LRPPRC: variants seen among roughly 807,000 people sequenced by gnomAD.
LRPPRC encodes the protein leucine-rich PPR motif-containing protein, mitochondrial.
A neutral mutation model predicts 180.3 loss-of-function variants in LRPPRC; 120 were observed. The observed-to-expected ratio is 0.67, with a 90% confidence interval of 0.57 to 0.77. LRPPRC has a LOEUF of 0.77. Among genes scored for constraint, LRPPRC ranks in the 30% least tolerant of loss-of-function variants. LRPPRC has a pLI of 0.00. For synonymous variants in LRPPRC, 723 were observed against 600.0 expected (o/e 1.21, Z -3.00); for missense variants, 2,012 against 1,657.2 (o/e 1.21, Z -3.72).
Position 43,913,363 on chromosome 2 carries a change from C to G in LRPPRC, c.3149-805G>C, listed in dbSNP as rs552652109. Among the ~76,000 whole-genome samples, 93 of 152,218 alleles carry G rather than the reference C, an allele frequency of 6.1e-4. 1 individual carries two copies. Among genetic ancestry groups the G allele is most frequent in the African/African-American group, 2.1e-3 (88 of 41,548 alleles). On this transcript the variant is annotated intron_variant, in intron 29 of 37. Transcript: ENST00000260665. ...TAAACAAATCACAATAAAGATGGGG[C>G]ATAAATGAACTATCACGTACGGCCT...
intron 11 of LRPPRC, among the ~76,000 whole-genome samples, chr2:43,968,159 A>T (rs1673641506): frequency 6.6e-6 from 1 of 152,096 alleles, no homozygotes; most frequent in African/African-American, 2.4e-5. Flanking sequence ...CTGGTACTTA[A>T]TAGCAATGTA....
intron 1 of LRPPRC, among the ~76,000 whole-genome samples, chr2:43,994,968 C>T (rs1674958413): frequency 6.6e-6 from 1 of 152,198 alleles, no homozygotes. Context: ...AGGACGGGAG[C>T]GGTGGCTCAC....
chr2:43,945,793 CAA>C (rs1214769700), intron 21 of LRPPRC, among the ~76,000 whole-genome samples: 1 of 151,980 alleles, frequency 6.6e-6, no homozygotes, highest in African/African-American at 2.4e-5. Flanking sequence ...ATTTACACTA[CAA>C]TATTGAAAGG....
chr2:43,980,570 AGAAG>A (rs754787910), intron 2 of LRPPRC, among the ~76,000 whole-genome samples: 1 of 87,142 alleles, frequency 1.1e-5, no homozygotes. Flanking sequence ...AAAAAAAAAA[AGAAG>A]AAAGAAAGAA....
intron 25 of LRPPRC, among the ~76,000 whole-genome samples, chr2:43,926,565 C>T (rs767097132): frequency 6.6e-6 from 1 of 152,034 alleles, no homozygotes; most frequent in Non-Finnish European, 1.5e-5. Context: ...ACGGGTTGCA[C>T]CATGTTGGCC....
At chr2:43,900,735 C>T (rs1296374498) in intron 32 of LRPPRC, among the ~76,000 whole-genome samples, 5 of 152,032 alleles carry the variant, frequency 3.3e-5, no homozygotes, top group African/African-American at 9.7e-5. Flanking sequence ...TAAAAGCATA[C>T]TGAAAGTATC....
chr2:43,950,906 C>T (rs1159141761), intron 14 of LRPPRC, among the ~76,000 whole-genome samples: 1 of 152,156 alleles, frequency 6.6e-6, no homozygotes, highest in Non-Finnish European at 1.5e-5. Context: ...CCCGTCTCCA[C>T]TAGAAGTAGA....
At chr2:43,895,629 G>A (rs962191397) in intron 35 of LRPPRC, among the ~76,000 whole-genome samples, 12 of 152,290 alleles carry the variant, frequency 7.9e-5, no homozygotes, top group African/African-American at 2.9e-4. Flanking sequence ...ATAAATACAT[G>A]AGTCACAGAT....
intron 1 of LRPPRC, among the ~76,000 whole-genome samples, chr2:43,983,722 A>C (rs768870111): frequency 2.0e-5 from 3 of 152,170 alleles, no homozygotes; most frequent in African/African-American, 4.8e-5. Flanking sequence ...AATAAAACTT[A>C]CATTTCTATC....
chr2:43,908,377 A>G (rs1039572480), intron 30 of LRPPRC, among the ~76,000 whole-genome samples: 3 of 152,256 alleles, frequency 2.0e-5, no homozygotes, highest in Non-Finnish European at 4.4e-5. Flanking sequence ...TTTAAAAGTT[A>G]CTATTACTTT....
chr2:43,989,208 G>A (rs1372817176), intron 1 of LRPPRC, among the ~76,000 whole-genome samples: 1 of 152,166 alleles, frequency 6.6e-6, no homozygotes, highest in Non-Finnish European at 1.5e-5. Context: ...CTCCCTCTAA[G>A]AACTGAATTC....
At position 43,889,686 on chromosome 2, in the gene LRPPRC, A is replaced by C. The variant is rs780465503; in HGVS notation, c.4128+48T>G. ...TTTCTTACACATTGTTATGAAGTGC[A>C]CATAAATCTGCAGAGGTATTTTTTC... On this transcript the variant is annotated intron_variant, in intron 37 of 37. Transcript: ENST00000260665. The C allele has an allele frequency of 2.9e-6, 4 of 1,380,288 alleles. No homozygotes were observed. In the African/African-American group the frequency reaches 4.3e-5, roughly 15 times the overall value. The allele number at this position is 1,380,288 out of a possible 1,614,324, so 85.5% of individuals were successfully genotyped here.
chr2:43,958,266 C>A (rs1305837479), intron 13 of LRPPRC, among the ~76,000 whole-genome samples: 1 of 152,104 alleles, frequency 6.6e-6, no homozygotes, highest in East Asian at 1.9e-4. Flanking sequence ...TTAATCTTTT[C>A]ACTATAAATG....
chr2:43,949,815 G>A (rs914641092), intron 15 of LRPPRC, among the ~76,000 whole-genome samples, 156 bp from the exon 16 acceptor site: 4 of 152,100 alleles, frequency 2.6e-5, no homozygotes, highest in African/African-American at 7.2e-5. Flanking sequence ...CAAGGAGATT[G>A]TTTTGTTTTT....
chr2:43,969,409 CA>C (rs58376536), intron 11 of LRPPRC, among the ~76,000 whole-genome samples: 26,544 of 112,936 alleles, frequency 0.24, 2,935 homozygotes, highest in African/African-American at 0.38. Context: ...GACTCCATCT[CA>C]AAAAAAAAAA....
At chr2:43,917,945 T>C (rs780837755) in intron 29 of LRPPRC, 80 bp downstream of exon 29, 21 of 931,582 alleles carry the variant, frequency 2.3e-5, no homozygotes, top group Non-Finnish European at 3.6e-5. Context: ...GCACTTCTAA[T>C]TGGTTGGGCT....
At chr2:43,902,803 G>A (rs1360708610) in intron 31 of LRPPRC, 1 of 152,096 alleles carries the variant, frequency 6.6e-6, no homozygotes, top group Non-Finnish European at 1.5e-5. Flanking sequence ...CAAGAATATT[G>A]TCAGCTAGGG....
chr2:43,889,774 A>G lies in LRPPRC; in HGVS notation c.4088T>C (p.Leu1363Pro). 7 of 1,613,128 alleles carry G rather than the reference A, an allele frequency of 4.3e-6. No homozygotes were observed. Among genetic ancestry groups the G allele is most frequent in the Non-Finnish European group, 5.9e-6 (7 of 1,179,020 alleles). Residue 1363 changes from leucine to proline, a missense_variant, in exon 37 of 38, where the codon CTG (leucine) becomes CCG (proline). Transcript: ENST00000260665. ...DLFLKRYASL[L>P]KYAGEPVPFI... is the part of the protein sequence containing the mutation. ...AGGGACAGGCTCTCCAGCATACTTC[A>G]GCAAAGATGCGTAACGCTTTAGAAA...
chr2:43,970,553 T>C (rs1378791769), intron 11 of LRPPRC, among the ~76,000 whole-genome samples: 1 of 152,168 alleles, frequency 6.6e-6, no homozygotes, highest in Non-Finnish European at 1.5e-5. Flanking sequence ...CAAACCTCTG[T>C]GAACACAGAA....
Sources: allele counts gnomAD v4.1 joint callset (sites outside exome capture counted in the v4.1 genomes callset), GRCh38; gene constraint gnomAD v4.1.1; transcripts MANE v1.5; gene names NCBI Gene and HGNC (gene_info 2026-07-23, HGNC 2026-07-21).